The following AGBL1 variants were observed in gnomAD, a reference collection of about 807,000 sequenced individuals.
AGBL1 encodes the protein AGBL carboxypeptidase 1.
A neutral mutation model predicts 118.9 loss-of-function variants in AGBL1; 130 were observed. The observed-to-expected ratio is 1.09, with a 90% confidence interval of 0.95 to 1.26. The LOEUF is 1.26. Ranked by LOEUF, AGBL1 falls within the 50% of genes most tolerant of loss-of-function variation. AGBL1 has a pLI of 0.00. For missense variants in AGBL1, 1,584 were observed against 1,298.1 expected (o/e 1.22, Z -3.38); for synonymous variants, 555 against 478.9 (o/e 1.16, Z -2.08).
intron 23 of AGBL1, among the ~76,000 whole-genome samples, chr15:86,965,598 G>A (rs1268695672): frequency 6.6e-6 from 1 of 151,594 alleles, no homozygotes; most frequent in Non-Finnish European, 1.5e-5. Context: ...TCACTCTGAT[G>A]ATGGTTTCTT....
intron 17 of AGBL1, among the ~76,000 whole-genome samples, chr15:86,333,306 AAG>A (rs2080305806): frequency 6.6e-6 from 1 of 152,206 alleles, no homozygotes; most frequent in South Asian, 2.1e-4. Flanking sequence ...AAGAAAGAAA[AAG>A]AGATAAGATC....
chr15:86,970,086 G>A (rs1025335602), intron 23 of AGBL1, among the ~76,000 whole-genome samples: 1 of 151,834 alleles, frequency 6.6e-6, no homozygotes, highest in Admixed American at 6.6e-5. Flanking sequence ...GAGCCCAAAA[G>A]TCTACCCAAT....
At chr15:86,461,689 T>G (rs910971653) in intron 18 of AGBL1, among the ~76,000 whole-genome samples, 1 of 152,214 alleles carries the variant, frequency 6.6e-6, no homozygotes, top group African/African-American at 2.4e-5. Flanking sequence ...CCGGAAAATA[T>G]CTATAACATA....
intron 21 of AGBL1, among the ~76,000 whole-genome samples, chr15:86,609,778 C>T (rs1015339210): frequency 7.9e-5 from 12 of 152,154 alleles, no homozygotes; most frequent in Non-Finnish European, 1.5e-4. Context: ...ACGACATACT[C>T]TTGTAGGAAA....
At chr15:86,137,732 T>G (rs2076908088) in intron 1 of AGBL1, among the ~76,000 whole-genome samples, 1 of 152,126 alleles carries the variant, frequency 6.6e-6, no homozygotes, top group Non-Finnish European at 1.5e-5. Flanking sequence ...TTAGAGGAGA[T>G]GAACCATGGC....
chr15:86,697,036 C>T (rs2086275146), intron 22 of AGBL1, among the ~76,000 whole-genome samples: 1 of 151,754 alleles, frequency 6.6e-6, no homozygotes, highest in Admixed American at 6.6e-5. Flanking sequence ...AAGATTCTTT[C>T]CTTCATCTTG....
chr15:86,657,438 C>T (rs982562850), intron 21 of AGBL1, among the ~76,000 whole-genome samples: 2 of 152,152 alleles, frequency 1.3e-5, no homozygotes, highest in African/African-American at 4.8e-5. Context: ...AGGGCAGAAC[C>T]ACTGTGTGTG....
chr15:86,099,252 TACTG>T, intron 1 of AGBL1, among the ~76,000 whole-genome samples: 1 of 152,070 alleles, frequency 6.6e-6, no homozygotes, highest in East Asian at 1.9e-4. Context: ...ATAAATGAAA[TACTG>T]ACTAAAAAAA....
intron 23 of AGBL1, among the ~76,000 whole-genome samples, chr15:86,933,572 C>A (rs1407654841): frequency 6.6e-6 from 1 of 152,160 alleles, no homozygotes; most frequent in South Asian, 2.1e-4. Flanking sequence ...ATCAGTTAAA[C>A]TCCTTTCTTG....
At chr15:86,651,733 T>C (rs1475007771) in intron 21 of AGBL1, among the ~76,000 whole-genome samples, 1 of 152,164 alleles carries the variant, frequency 6.6e-6, no homozygotes, top group East Asian at 1.9e-4. Context: ...ACTACTGATC[T>C]CTCTGAGTGT....
intron 17 of AGBL1, among the ~76,000 whole-genome samples, chr15:86,298,296 ATGGTAGC>A (rs1215353371): frequency 5.6e-4 from 58 of 102,998 alleles, no homozygotes; most frequent in Non-Finnish European, 8.2e-4. Context: ...CTATATATAT[ATGGTAGC>A]TATATATATA....
intron 22 of AGBL1, among the ~76,000 whole-genome samples, chr15:86,812,646 C>G (rs1358718715): frequency 6.6e-6 from 1 of 152,154 alleles, no homozygotes; most frequent in Non-Finnish European, 1.5e-5. Context: ...CATGTAAGTT[C>G]ATAGAGCACA....
chr15:86,081,855 G>A (rs866965871), intron 1 of AGBL1, among the ~76,000 whole-genome samples: 2 of 152,346 alleles, frequency 1.3e-5, no homozygotes, highest in Middle Eastern at 3.4e-3. Context: ...CGGCCTCAAA[G>A]TCACTTCAGG....
At chr15:86,976,090 A>G (rs2081173915) in intron 23 of AGBL1, among the ~76,000 whole-genome samples, 1 of 151,928 alleles carries the variant, frequency 6.6e-6, no homozygotes, top group Non-Finnish European at 1.5e-5. Context: ...TAAAATTATA[A>G]AAGTATGAAT....
chr15:86,356,335 C>CGT (rs55955604), intron 17 of AGBL1, among the ~76,000 whole-genome samples: 8,250 of 150,140 alleles, frequency 0.055, 246 homozygotes, highest in African/African-American at 0.071. Context: ...CGAAGATAGA[C>CGT]GTGTGTGTGT....
intron 18 of AGBL1, among the ~76,000 whole-genome samples, chr15:86,436,978 G>A (rs963896245): frequency 6.6e-6 from 1 of 151,240 alleles, no homozygotes; most frequent in Non-Finnish European, 1.5e-5. Context: ...GCATCATTGT[G>A]CAGACGGATT....
chr15:86,616,348 A>T (rs374426249), intron 21 of AGBL1, among the ~76,000 whole-genome samples: 1,499 of 70,828 alleles, frequency 0.021, 25 homozygotes, highest in Middle Eastern at 0.033. Flanking sequence ...TCAAAAAAAA[A>T]AAAAAAAAAA....
intron 21 of AGBL1, among the ~76,000 whole-genome samples, chr15:86,665,348 G>A (rs1344813358): frequency 3.1e-5 from 1 of 32,174 alleles, no homozygotes; most frequent in Non-Finnish European, 6.8e-5. Flanking sequence ...AATTTCCTTG[G>A]AAAGACTGCA....
At position 86,978,805 on chromosome 15, in the gene AGBL1, T is replaced by C. The variant is rs149181621; in HGVS notation, c.3222-9182T>C. ...TCAGACTGGCAAGATATGGAGCCTC[T>C]TACTATGTCTTGTCATCAGCCTATT... On this transcript the variant is annotated intron_variant, in intron 23 of 24. Transcript: ENST00000441037. Among the ~76,000 whole-genome samples, 235 of 152,262 alleles carry C rather than the reference T, an allele frequency of 1.5e-3. 3 individuals carry two copies. Among genetic ancestry groups the C allele is most frequent in the African/African-American group, 5.2e-3 (215 of 41,554 alleles).
Sources: gnomAD v4.1 joint callset for allele counts (sites outside exome capture counted in the v4.1 genomes callset) on GRCh38, gnomAD v4.1.1 for gene constraint, MANE v1.5 for transcripts, NCBI Gene and HGNC (gene_info 2026-07-23, HGNC 2026-07-21) for gene names.